ACSF2: variants seen among roughly 807,000 people sequenced by gnomAD.
ACSF2 encodes acyl-CoA synthetase family member 2.
A neutral mutation model predicts 79.3 loss-of-function variants in ACSF2; 52 were observed. That is an observed-to-expected ratio of 0.66 (90% CI 0.53 to 0.83). ACSF2 has a LOEUF of 0.83. Among genes scored for constraint, ACSF2 ranks in the 40% least tolerant of loss-of-function variants. The pLI is 0.00. For missense variants in ACSF2, 661 were observed against 803.3 expected, an observed-to-expected ratio of 0.82 and a Z score of 2.14; for synonymous variants, 283 against 312.6, an observed-to-expected ratio of 0.91 and a Z score of 1.00.
At position 50,463,131 on chromosome 17, in the gene ACSF2, AGCCAT is replaced by A. The variant is rs779385906; in HGVS notation, c.793-21_793-17del. 1 of 1,603,236 alleles carries A rather than the reference AGCCAT, an allele frequency of 6.2e-7. No individual in the cohort carries two copies. The highest frequency in any genetic ancestry group is 2.2e-5 in the East Asian group (1 of 44,844). On this transcript the variant is annotated intron_variant, in intron 6 of 15. Coordinates refer to ENST00000300441, the MANE Select transcript of ACSF2 (RefSeq NM_025149.6). This position sits in a 1 kb window ranked among gnomAD's most constrained non-coding sequence, Gnocchi z 4.6. Reference sequence around the variant, plus strand: ...TGGGAAGGAGATGAGAAGGAGGCCAAGCCATGCCCTGTTTGCCTTGTCAGGGGACA... The same window carrying A: ...TGGGAAGGAGATGAGAAGGAGGCCAAGCCCTGTTTGCCTTGTCAGGGGACA...
chr17:50,463,578 G>A lies in ACSF2; in HGVS notation c.1046+26G>A, dbSNP rs776311364. On this transcript the variant is annotated intron_variant, in intron 8 of 15. Coordinates refer to ENST00000300441, the MANE Select transcript of ACSF2 (RefSeq NM_025149.6). This position sits in a 1 kb window ranked among gnomAD's most constrained non-coding sequence, Gnocchi z 4.6. ...GTGGGCACTGGTGGACAGGCTACTT[G>A]TGGGCTGATAAAACCCTCTTCTTCC... 6.2e-7 allele frequency: 1 copy of A among 1,610,824 alleles called. No individual in the cohort carries two copies. Among genetic ancestry groups the A allele is most frequent in the South Asian group, 1.1e-5 (1 of 90,698 alleles).
chr17:50,440,406 CCT>C (rs1453260339), intron 1 of ACSF2, among the ~76,000 whole-genome samples: 1 of 152,248 alleles, frequency 6.6e-6, no homozygotes, highest in Non-Finnish European at 1.5e-5. Flanking sequence ...CACCTGTAAA[CCT>C]CTGGCCCAGG....
chr17:50,441,927 C>G (rs939108820), intron 1 of ACSF2, among the ~76,000 whole-genome samples: 1 of 152,062 alleles, frequency 6.6e-6, no homozygotes, highest in African/African-American at 2.4e-5. Flanking sequence ...GCAGCCTCGC[C>G]CTTGTGGGCT....
chr17:50,458,652 A>G (rs2032158089), intron 1 of ACSF2, among the ~76,000 whole-genome samples: 1 of 152,176 alleles, frequency 6.6e-6, no homozygotes, highest in African/African-American at 2.4e-5. Context: ...CTGCAAGGAC[A>G]GGGACTGTAT....
intron 12 of ACSF2, chr17:50,472,894 G>A: frequency 4.6e-6 from 1 of 215,342 alleles, no homozygotes; most frequent in Non-Finnish European, 9.0e-6. Flanking sequence ...GAGGTCCAGA[G>A]GAAAGTAAGA....
rs117285267 is a variant in ACSF2 at position 50,444,679 on chromosome 17, A to T, written c.129-15998A>T. ...CACACACACACACACTTTTGCCACC[A>T]TCTGAAAATAAGTTGCAGGCATCAT... On this transcript the variant is annotated intron_variant, in intron 1 of 15. Transcript: ENST00000300441. 1.2e-3 allele frequency among the ~76,000 whole-genome samples: 187 copies of T among 150,806 alleles called. 3 individuals are homozygous for T. The East Asian group carries it at 0.033, about 27-fold the overall frequency.
intron 1 of ACSF2, among the ~76,000 whole-genome samples, chr17:50,434,944 C>A (rs2030270069): frequency 6.6e-6 from 1 of 152,038 alleles, no homozygotes; most frequent in Non-Finnish European, 1.5e-5. Context: ...AATCTTGGCT[C>A]ATCACAACCT....
At chr17:50,472,255 C>T (rs1479967470) in intron 11 of ACSF2, 173 bp from the exon 12 acceptor site, 8 of 691,122 alleles carry the variant, frequency 1.2e-5, no homozygotes, top group East Asian at 6.4e-5. Context: ...GGCTTTGGGT[C>T]GACTCTAGCC....
chr17:50,472,280 C>G (rs1353771955), intron 11 of ACSF2, 148 bp from the exon 12 acceptor site: 3 of 899,856 alleles, frequency 3.3e-6, no homozygotes, highest in Non-Finnish European at 4.8e-6. Context: ...TCTCCCTTCT[C>G]TGGATGGGGA....
chr17:50,426,498 G>T lies in ACSF2; in HGVS notation c.128+109G>T, dbSNP rs529614741. The T allele has an allele frequency of 1.1e-4, 133 of 1,221,948 alleles. No individual in the cohort carries two copies. In the Middle Eastern group the frequency reaches 1.6e-3, roughly 14 times the overall value. 75.7% of individuals were successfully genotyped at this position (1,221,948 alleles called of 1,614,324 possible). ...CACCTCTGGACGAGTGCACTGGGGGGAAGGTACCCGCCCCTCCCCCGCCCC... is the reference window on the plus strand; with the variant it reads ...CACCTCTGGACGAGTGCACTGGGGGTAAGGTACCCGCCCCTCCCCCGCCCC... On this transcript the variant is annotated intron_variant, in intron 1 of 15. Transcript: ENST00000300441.
At chr17:50,460,019 G>A (rs1233394158) in intron 1 of ACSF2, among the ~76,000 whole-genome samples, 1 of 152,170 alleles carries the variant, frequency 6.6e-6, no homozygotes, top group Admixed American at 6.5e-5. Context: ...AGTGGGAGCT[G>A]GAGCCCAGGT....
intron 10 of ACSF2, chr17:50,465,178 G>A (rs2032617473): frequency 7.9e-7 from 1 of 1,272,940 alleles, no homozygotes; most frequent in African/African-American, 1.5e-5. Flanking sequence ...TCCTCTCTCT[G>A]TAAAAATGGA....
At chr17:50,444,982 A>T (rs1374859556) in intron 1 of ACSF2, among the ~76,000 whole-genome samples, 3 of 152,036 alleles carry the variant, frequency 2.0e-5, no homozygotes, top group African/African-American at 7.3e-5. Context: ...TGGCATAATC[A>T]TAGCTCACTG....
In ACSF2 at chr17:50,474,362, C is replaced by G. The variant is rs2033254510; in HGVS notation, c.1797+95C>G. 6.5e-7 allele frequency: 1 copy of G among 1,533,890 alleles called. No homozygotes were observed. The highest frequency in any genetic ancestry group is 1.1e-5 in the South Asian group (1 of 89,018). ...TCCTTCAGCAATGGGTGTGGAGAGA[C>G]TGGCAGTAGGGTGACCGGGTCACCT... is the stretch of plus-strand genomic sequence containing the variant. On this transcript the variant is annotated intron_variant, in intron 15 of 15. Coordinates refer to ENST00000300441, the MANE Select transcript of ACSF2 (RefSeq NM_025149.6). This position sits in a 1 kb window ranked among gnomAD's most constrained non-coding sequence, Gnocchi z 4.2.
intron 1 of ACSF2, among the ~76,000 whole-genome samples, chr17:50,431,385 C>G (rs1227963961): frequency 2.0e-5 from 3 of 152,148 alleles, no homozygotes; most frequent in Non-Finnish European, 4.4e-5. Context: ...TTTGCAGTGC[C>G]ATTAAAGATG....
At chr17:50,469,010 C>T in intron 10 of ACSF2, 2 of 1,354,528 alleles carry the variant, frequency 1.5e-6, no homozygotes, top group South Asian at 3.8e-5. Context: ...CCCCCGCCCT[C>T]CACGGGGAAG....
chr17:50,429,605 C>A (rs559543811), intron 1 of ACSF2, among the ~76,000 whole-genome samples: 1 of 151,950 alleles, frequency 6.6e-6, no homozygotes, highest in Non-Finnish European at 1.5e-5. Flanking sequence ...CTGTAACCTC[C>A]GCCTCCTGGG....
At chr17:50,468,864 G>A (rs2032938572) in intron 10 of ACSF2, 1 of 1,447,202 alleles carries the variant, frequency 6.9e-7, no homozygotes, top group Non-Finnish European at 9.0e-7. Context: ...GGCGGGGCGC[G>A]GGCAGCGGCG....
chr17:50,457,654 T>C (rs922007812), intron 1 of ACSF2, among the ~76,000 whole-genome samples: 1 of 152,200 alleles, frequency 6.6e-6, no homozygotes, highest in Non-Finnish European at 1.5e-5. Context: ...GTTCTCTTCT[T>C]TACCGAATAG....
Sources: gnomAD v4.1 joint callset for allele counts (sites outside exome capture counted in the v4.1 genomes callset) on GRCh38, gnomAD v4.1.1 for gene constraint, Gnocchi (gnomAD v3.1) non-coding constraint, MANE v1.5 for transcripts, NCBI Gene and HGNC (gene_info 2026-07-23, HGNC 2026-07-21) for gene names.